NOS1: variants seen among roughly 807,000 people sequenced by gnomAD.
The protein encoded by NOS1 is NOS type I.
In NOS1, 51 loss-of-function variants were observed where a neutral mutation model predicts 164.5. That is an observed-to-expected ratio of 0.31 (90% confidence interval 0.25 to 0.39). NOS1 has a LOEUF of 0.39. NOS1 is among the 10% of genes least tolerant of loss of function. The pLI is 1.00. For synonymous variants in NOS1, 719 were observed against 745.8 expected (o/e 0.96, Z 0.59); for missense variants, 1,362 against 1,885.6 (o/e 0.72, Z 5.14).
intron 2 of NOS1, 107 bp from the exon 3 acceptor site, chr12:117,311,699 C>T (rs763565491): frequency 7.3e-6 from 9 of 1,227,936 alleles, no homozygotes; most frequent in Non-Finnish European, 1.0e-5. Context: ...AGCTCACTCA[C>T]ATAACTCCAT....
intron 20 of NOS1, among the ~76,000 whole-genome samples, chr12:117,235,924 T>C (rs1869666874): frequency 6.6e-6 from 1 of 152,148 alleles, no homozygotes; most frequent in Non-Finnish European, 1.5e-5. Flanking sequence ...GTGCCTGTAA[T>C]CCCAGCTACT....
rs894543027 is a variant in NOS1, at chr12:117,208,493, C to G, written c.*6816G>C. On this transcript the variant is annotated 3_prime_UTR_variant, in exon 29 of 29. Transcript: ENST00000317775. ...GGAACGGACACTGCGACGTGGGGTGCCCGGCACCGCTCTTTGGGCCTTCTG... is the reference window on the plus strand; with the variant it reads ...GGAACGGACACTGCGACGTGGGGTGGCCGGCACCGCTCTTTGGGCCTTCTG... 4.0e-6 allele frequency: 5 copies of G among 1,250,986 alleles called. No individual in the cohort carries two copies. The African/African-American group carries it at 6.2e-5, about 15-fold the overall frequency. 77.5% of individuals were successfully genotyped at this position (1,250,986 alleles called of 1,614,324 possible). A position where few individuals can be genotyped will look rare whatever the true frequency, so the allele number is the denominator to read the frequency against.
rs755329168 is a variant in NOS1, at chr12:117,330,656, C to T, written c.414G>A (p.Gln138=). Residue 138 remains glutamine (Q), a synonymous_variant, in exon 2 of 29, where the codon CAG becomes CAA. Coordinates refer to ENST00000317775, the MANE Select transcript of NOS1 (RefSeq NM_000620.5). This position sits in a 1 kb window ranked among gnomAD's most constrained non-coding sequence, Gnocchi z 4.6. ...GGGGCTGTTCTTTGCCGGCCGGTGG[C>T]TGGTGGGACAGATCCACGGCTTTGG... ...PPTKAVDLSH[Q]PPAGKEQPLA... The T allele has an allele frequency of 3.1e-6, 5 of 1,612,330 alleles. No individual in the cohort carries two copies. The highest frequency in any genetic ancestry group is 4.2e-6 in the Non-Finnish European group (5 of 1,178,974).
intron 1 of NOS1, among the ~76,000 whole-genome samples, chr12:117,358,246 A>C (rs1309172379): frequency 1.3e-5 from 2 of 152,202 alleles, no homozygotes; most frequent in Non-Finnish European, 2.9e-5. Flanking sequence ...GTTTCTGGAC[A>C]ACTGACTGAA....
chr12:117,340,889 T>G (rs1593036666), intron 1 of NOS1, among the ~76,000 whole-genome samples: 1 of 141,652 alleles, frequency 7.1e-6, no homozygotes, highest in East Asian at 2.1e-4. Context: ...TTTTTTTTTT[T>G]TTTTTTTGTA....
intron 3 of NOS1, chr12:117,305,128 G>A (rs1407560452): frequency 2.1e-6 from 2 of 939,286 alleles, no homozygotes; most frequent in African/African-American, 3.5e-5. Context: ...CCCTGTGGAT[G>A]CTTAAACAAG....
intron 23 of NOS1, among the ~76,000 whole-genome samples, 177 bp from the exon 24 acceptor site, chr12:117,226,947 C>T (rs1002661095): frequency 1.3e-5 from 2 of 152,118 alleles, no homozygotes; most frequent in East Asian, 3.9e-4. Context: ...TGACTTCGTG[C>T]CTGTGCAACC....
intron 9 of NOS1, among the ~76,000 whole-genome samples, chr12:117,273,702 T>C (rs1168228884): frequency 6.6e-6 from 1 of 152,162 alleles, no homozygotes; most frequent in Non-Finnish European, 1.5e-5. Flanking sequence ...TTTATGTATA[T>C]ATATGATGAA....
rs1232274442 is a variant in NOS1, at chr12:117,331,410, C to T, written c.-341G>A. ...GTCTGATGGCTGTGTCTAGAAGTGA[C>T]GCATGATAGATGTGAACTATTCTCT... On this transcript the variant is annotated 5_prime_UTR_variant, in exon 2 of 29. Coordinates refer to ENST00000317775, the MANE Select transcript of NOS1 (RefSeq NM_000620.5). The T allele has an allele frequency of 1.0e-5, 3 of 288,318 alleles. No individual in the cohort carries two copies. Among genetic ancestry groups the T allele is most frequent in the African/African-American group, 6.3e-5 (3 of 47,336 alleles). The allele number at this position is 288,318 out of a possible 1,614,324, so 17.9% of individuals were successfully genotyped here. A position where few individuals can be genotyped will look rare whatever the true frequency, so the allele number is the denominator to read the frequency against.
intron 17 of NOS1, among the ~76,000 whole-genome samples, chr12:117,248,068 T>C (rs1056106684): frequency 7.9e-5 from 12 of 151,820 alleles, no homozygotes; most frequent in African/African-American, 2.7e-4. Context: ...TCTCTGGACA[T>C]AGCAAGAAGG....
intron 11 of NOS1, among the ~76,000 whole-genome samples, chr12:117,267,773 CTT>C (rs1555253793): frequency 6.6e-6 from 1 of 152,106 alleles, no homozygotes; most frequent in Non-Finnish European, 1.5e-5. Flanking sequence ...GAGGATGCCT[CTT>C]GTTTGAATTC....
At position 117,337,486 on chromosome 12, in the gene NOS1, T is replaced by C. The variant is rs191994502; in HGVS notation, c.-420-5997A>G. 2.5e-3 allele frequency among the ~76,000 whole-genome samples: 378 copies of C among 152,308 alleles called. 2 individuals carry two copies. The highest frequency in any genetic ancestry group is 3.8e-3 in the Non-Finnish European group (258 of 68,032). On this transcript the variant is annotated intron_variant, in intron 1 of 28. Transcript: ENST00000317775. ...ACACATGGCTTGCATTATATTGCCATTGGGCAGCATGGGTCTAGAGTGTGA... is the reference window on the plus strand; with the variant it reads ...ACACATGGCTTGCATTATATTGCCACTGGGCAGCATGGGTCTAGAGTGTGA...
At chr12:117,287,156 G>A (rs1872761226) in intron 5 of NOS1, among the ~76,000 whole-genome samples, 1 of 152,096 alleles carries the variant, frequency 6.6e-6, no homozygotes, top group Non-Finnish European at 1.5e-5. Flanking sequence ...AGAGGGTGCA[G>A]TGAGCCAAGA....
At chr12:117,224,947 T>A in intron 25 of NOS1, 69 bp downstream of exon 25, 1 of 1,603,398 alleles carries the variant, frequency 6.2e-7, no homozygotes, top group Middle Eastern at 1.7e-4. Context: ...TCTCTAGGGC[T>A]GCTGAGACAC....
intron 1 of NOS1, among the ~76,000 whole-genome samples, chr12:117,352,391 G>A (rs868465418): frequency 3.3e-5 from 5 of 152,016 alleles, no homozygotes; most frequent in African/African-American, 7.3e-5. Flanking sequence ...CGCCAGCCAC[G>A]GAAAAACCAA....
chr12:117,349,778 C>T (rs1380099104), intron 1 of NOS1, among the ~76,000 whole-genome samples: 1 of 152,140 alleles, frequency 6.6e-6, no homozygotes, highest in African/African-American at 2.4e-5. Flanking sequence ...GGCTGGAGTG[C>T]AGTGGTGTGA....
chr12:117,243,518 T>C lies in NOS1; in HGVS notation c.2824-83A>G. ...ACAGCTCCAAGTCATGGCATGTATCTCTTCATTCACCCATCCATCCATCTA... is the reference window on the plus strand; with the variant it reads ...ACAGCTCCAAGTCATGGCATGTATCCCTTCATTCACCCATCCATCCATCTA... On this transcript the variant is annotated intron_variant, in intron 18 of 28. Coordinates refer to ENST00000317775, the MANE Select transcript of NOS1 (RefSeq NM_000620.5). This position sits in a 1 kb window ranked among gnomAD's most constrained non-coding sequence, Gnocchi z 4.3. 1 of 1,488,622 alleles carries C rather than the reference T, an allele frequency of 6.7e-7. No individual in the cohort carries two copies. Among genetic ancestry groups the C allele is most frequent in the Non-Finnish European group, 9.2e-7 (1 of 1,088,242 alleles). 92.2% of individuals were successfully genotyped at this position (1,488,622 alleles called of 1,614,324 possible). A position where few individuals can be genotyped will look rare whatever the true frequency, so the allele number is the denominator to read the frequency against.
rs41410247 is a variant in NOS1, at chr12:117,247,450, G to A, written c.2721C>T (p.Leu907=). The A allele has an allele frequency of 1.5e-3, 2,458 of 1,613,206 alleles. 42 individuals are homozygous for A. In the African/African-American group the frequency reaches 0.027, roughly 17 times the overall value. Residue 907 remains leucine (L), a synonymous_variant, in exon 18 of 29, where the codon CTC becomes CTT. Coordinates refer to ENST00000317775, the MANE Select transcript of NOS1 (RefSeq NM_000620.5). ...TCCTCTCCCCTCCCAGTTCTTCCAG[G>A]AGGGTGTCCACAGCGTGTCCGAAGG... is the stretch of plus-strand genomic sequence containing the variant. ...FCAFGHAVDT[L]LEELGGERIL... is the part of the protein sequence containing the mutation.
At chr12:117,338,528 G>A (rs575824799) in intron 1 of NOS1, among the ~76,000 whole-genome samples, 1 of 151,744 alleles carries the variant, frequency 6.6e-6, no homozygotes, top group African/African-American at 2.4e-5. Context: ...ACGAGTTAAT[G>A]GGTGCGGCAC....
Sources: allele counts gnomAD v4.1 joint callset (sites outside exome capture counted in the v4.1 genomes callset), GRCh38; gene constraint gnomAD v4.1.1; non-coding constraint Gnocchi (gnomAD v3.1); transcripts MANE v1.5; gene names NCBI Gene and HGNC (gene_info 2026-07-23, HGNC 2026-07-21).